LOXHD1: variants seen among roughly 807,000 people sequenced by gnomAD.
The protein encoded by LOXHD1 is lipoxygenase homology PLAT domains 1.
In LOXHD1, 205 loss-of-function variants were observed where a neutral mutation model predicts 248.2. The ratio of observed to expected loss-of-function variants is 0.83; its 90% CI spans 0.74 to 0.93. The LOEUF is 0.93. Among genes scored for constraint, LOXHD1 ranks in the 40% least tolerant of loss-of-function variants. The probability of loss-of-function intolerance (pLI) is 0.00; values close to 1 mark genes in which losing one functional copy is unlikely to be tolerated. For synonymous variants in LOXHD1, 1,113 were observed against 1,162.8 expected, an observed-to-expected ratio of 0.96 and a Z score of 0.87; for missense variants, 2,930 against 2,971.6, an observed-to-expected ratio of 0.99 and a Z score of 0.33.
chr18:46,561,971 T>C (rs1036380009), intron 18 of LOXHD1, among the ~76,000 whole-genome samples: 5 of 152,164 alleles, frequency 3.3e-5, no homozygotes, highest in African/African-American at 9.7e-5. Flanking sequence ...ATCCAGTAAA[T>C]TGGCATCCAG....
At chr18:46,507,984 G>A (rs956593677) in intron 35 of LOXHD1, among the ~76,000 whole-genome samples, 1 of 152,196 alleles carries the variant, frequency 6.6e-6, no homozygotes, top group African/African-American at 2.4e-5. Context: ...TGTCCTCAGA[G>A]GTGCCTGTCA....
intron 40 of LOXHD1, 38 bp downstream of exon 40, chr18:46,483,549 G>A: frequency 6.4e-7 from 1 of 1,551,140 alleles, no homozygotes; most frequent in Non-Finnish European, 8.7e-7. Context: ...CCCATGCTGA[G>A]GGAGTGGCAC....
chr18:46,593,431 C>T (rs2038207913), intron 10 of LOXHD1, among the ~76,000 whole-genome samples, 169 bp downstream of exon 10: 1 of 152,214 alleles, frequency 6.6e-6, no homozygotes, highest in South Asian at 2.1e-4. Context: ...CAATACATTG[C>T]TTACAAATCA....
At chr18:46,639,346 T>C (rs775303899) in intron 4 of LOXHD1, among the ~76,000 whole-genome samples, 1 of 152,214 alleles carries the variant, frequency 6.6e-6, no homozygotes, top group Non-Finnish European at 1.5e-5. Context: ...GAACACAGGA[T>C]TTGCTCAGGG....
At position 46,618,292 on chromosome 18, in the gene LOXHD1, T is replaced by G. The variant is rs1201905882; in HGVS notation, c.512-2A>C. The G allele has an allele frequency of 6.5e-7, 1 of 1,546,144 alleles. No homozygotes were observed. Among genetic ancestry groups the G allele is most frequent in the East Asian group, 2.4e-5 (1 of 40,882 alleles). ...ATACCTTGACTTCATACTTATTACC[T>G]AGGAACAAGGAGAGAGAAAAACCTT... On this transcript the variant is annotated splice_acceptor_variant, in intron 4 of 40. Transcript: ENST00000642948. LOFTEE classifies it high-confidence loss of function.
intron 34 of LOXHD1, among the ~76,000 whole-genome samples, chr18:46,513,501 G>T (rs2035084620): frequency 6.6e-6 from 1 of 151,984 alleles, no homozygotes; most frequent in Non-Finnish European, 1.5e-5. Flanking sequence ...TAAGAAGGCA[G>T]AAAGAGAGAG....
At chr18:46,622,543 T>C (rs574847834) in intron 4 of LOXHD1, among the ~76,000 whole-genome samples, 1 of 152,042 alleles carries the variant, frequency 6.6e-6, no homozygotes, top group African/African-American at 2.4e-5. Context: ...CAGGGGGTGG[T>C]GGGTAGATCT....
chr18:46,536,651 C>A (rs908299400), intron 26 of LOXHD1, among the ~76,000 whole-genome samples: 2 of 152,210 alleles, frequency 1.3e-5, no homozygotes, highest in African/African-American at 4.8e-5. Flanking sequence ...GACTCACGCA[C>A]CATGACATCT....
intron 5 of LOXHD1, among the ~76,000 whole-genome samples, chr18:46,617,032 C>T (rs1167305711): frequency 6.6e-6 from 1 of 152,120 alleles, no homozygotes; most frequent in Non-Finnish European, 1.5e-5. Context: ...GTGAACACAT[C>T]TTCAGTATTT....
intron 40 of LOXHD1, among the ~76,000 whole-genome samples, chr18:46,483,049 C>A (rs1341868714): frequency 2.0e-5 from 3 of 152,092 alleles, no homozygotes; most frequent in East Asian, 1.9e-4. Flanking sequence ...TAACTAAGAC[C>A]CTTAATCTTC....
chr18:46,540,097 T>C (rs1288066346), intron 25 of LOXHD1, among the ~76,000 whole-genome samples: 5 of 152,230 alleles, frequency 3.3e-5, no homozygotes, highest in African/African-American at 1.2e-4. Context: ...ACCCTCACAA[T>C]GACTTGAGGG....
chr18:46,515,817 C>T (rs1262498751), intron 34 of LOXHD1, among the ~76,000 whole-genome samples: 1 of 152,220 alleles, frequency 6.6e-6, no homozygotes, highest in Non-Finnish European at 1.5e-5. Context: ...AAACCACGGT[C>T]TCTACAGAAA....
At chr18:46,557,251 C>A in intron 21 of LOXHD1, 105 bp downstream of exon 21, 1 of 1,383,504 alleles carries the variant, frequency 7.2e-7, no homozygotes, top group Non-Finnish European at 1.0e-6. Context: ...TCACCCTCCA[C>A]CGTCACAGCC....
Position 46,477,397 on chromosome 18 carries a change from G to A in LOXHD1, c.*75C>T. 2 of 1,522,626 alleles carry A rather than the reference G, an allele frequency of 1.3e-6. No individual in the cohort carries two copies. The highest frequency in any genetic ancestry group is 1.3e-5 in the South Asian group (1 of 79,202). 94.3% of individuals were successfully genotyped at this position (1,522,626 alleles called of 1,614,324 possible). A position where few individuals can be genotyped will look rare whatever the true frequency, so the allele number is the denominator to read the frequency against. On this transcript the variant is annotated 3_prime_UTR_variant, in exon 41 of 41. Transcript: ENST00000642948. The stretch of plus-strand genomic sequence containing the variant: ...GTGCCAATGCTAGAGGCTTTGAAGG[G>A]CTGCTGACCGCCAAGGTGGAGGGCA...
intron 14 of LOXHD1, among the ~76,000 whole-genome samples, chr18:46,574,313 C>T (rs141969596): frequency 1.3e-4 from 20 of 151,458 alleles, no homozygotes; most frequent in African/African-American, 4.6e-4. Flanking sequence ...TGAGATGTTG[C>T]TAAAAGGATA....
At position 46,560,527 on chromosome 18, in the gene LOXHD1, C is replaced by T; in HGVS notation, c.2617G>A (p.Gly873Ser). 1 of 1,531,768 alleles carries T rather than the reference C, an allele frequency of 6.5e-7. No individual in the cohort carries two copies. Among genetic ancestry groups the T allele is most frequent in the Non-Finnish European group, 8.7e-7 (1 of 1,143,372 alleles). The allele number at this position is 1,531,768 out of a possible 1,614,324, so 94.9% of individuals were successfully genotyped here. A position where few individuals can be genotyped will look rare whatever the true frequency, so the allele number is the denominator to read the frequency against. ...CCGAGCCGGAGCTTATAGACCTCGC[C>T]CACGTCGGCCGCCTCAAGCTGTTCA... ...DTFQLEAADV[G>S]EVYKLRLGHT... is the part of the protein sequence containing the mutation. The change falls in exon 19 of 41, where the codon GGC becomes AGC. Residue 873 changes from glycine (G) to serine (S), a missense_variant. By Grantham distance (56) the Gly-to-Ser change is moderately conservative. Coordinates refer to ENST00000642948, the MANE Select transcript of LOXHD1 (RefSeq NM_001384474.1).
chr18:46,555,305 A>T, intron 21 of LOXHD1: 1 of 420,420 alleles, frequency 2.4e-6, no homozygotes, highest in Non-Finnish European at 4.9e-6. Context: ...TAAAGATGGC[A>T]TGACTTGTCC....
chr18:46,567,536 T>A (rs1427305319), intron 16 of LOXHD1, among the ~76,000 whole-genome samples: 2 of 152,158 alleles, frequency 1.3e-5, no homozygotes, highest in Non-Finnish European at 2.9e-5. Context: ...ACTATGAAAG[T>A]CCCAGGGAGG....
intron 29 of LOXHD1, among the ~76,000 whole-genome samples, chr18:46,528,422 C>G (rs2144210730): frequency 6.6e-6 from 1 of 152,210 alleles, no homozygotes; most frequent in East Asian, 1.9e-4. Context: ...TTAATAAAGC[C>G]CACCCTTAGA....
Sources: allele counts gnomAD v4.1 joint callset (sites outside exome capture counted in the v4.1 genomes callset), GRCh38; gene constraint gnomAD v4.1.1; transcripts MANE v1.5; gene names NCBI Gene and HGNC (gene_info 2026-07-23, HGNC 2026-07-21).